Variants in PALM2AKAP2 observed in about 807,000 individuals in gnomAD.
The protein encoded by PALM2AKAP2 is PALM2-AKAP2 fusion protein.
A neutral mutation model predicts 71.5 loss-of-function variants in PALM2AKAP2; 37 were observed. The ratio of observed to expected loss-of-function variants is 0.52; its 90% CI spans 0.40 to 0.68. The LOEUF (loss-of-function observed/expected upper bound fraction) is 0.68. Ranked by LOEUF, PALM2AKAP2 falls within the 30% of genes least tolerant of loss-of-function variation. PALM2AKAP2 has a pLI of 0.00. For missense variants in PALM2AKAP2, 1,224 were observed against 1,191.8 expected (o/e 1.03, Z -0.40); for synonymous variants, 468 against 478.8 (o/e 0.98, Z 0.29).
exon 4 of PALM2AKAP2, chr9:110,169,412 A>G (rs1836807149): frequency 6.6e-6 from 1 of 152,180 alleles, no homozygotes; most frequent in African/African-American, 2.4e-5. Context: ...TAGAGCGGCA[A>G]TAATTGAAAA....
chr9:109,941,408 T>A (rs1831363436), intron 6 of PALM2AKAP2, among the ~76,000 whole-genome samples: 2 of 152,090 alleles, frequency 1.3e-5, no homozygotes, highest in South Asian at 4.1e-4. Context: ...ATATCTGAAG[T>A]AGAATGATTT....
At chr9:109,713,778 G>T (rs2118614848) in intron 1 of PALM2AKAP2, among the ~76,000 whole-genome samples, 1 of 152,324 alleles carries the variant, frequency 6.6e-6, no homozygotes, top group Admixed American at 6.5e-5. Context: ...AATAGGCAGA[G>T]CACAGGGGAT....
chr9:110,027,859 G>T (rs1020500820), intron 7 of PALM2AKAP2, among the ~76,000 whole-genome samples: 4 of 152,110 alleles, frequency 2.6e-5, no homozygotes, highest in African/African-American at 9.7e-5. Context: ...GTGTCCAGCC[G>T]GTTGCCCTTT....
intron 1 of PALM2AKAP2, among the ~76,000 whole-genome samples, chr9:109,861,201 C>T (rs147639354): frequency 2.7e-4 from 41 of 152,332 alleles, no homozygotes; most frequent in African/African-American, 9.6e-4. Flanking sequence ...CCCTGTTTCT[C>T]ACACACTCAG....
intron 1 of PALM2AKAP2, among the ~76,000 whole-genome samples, chr9:109,854,763 CTTTTTTTT>C (rs34401582): frequency 1.5e-5 from 1 of 66,158 alleles, no homozygotes; most frequent in Non-Finnish European, 2.7e-5. Context: ...AAGAATGTAT[CTTTTTTTT>C]TTTTTTTTTT....
chr9:109,969,020 CTGCAGGAATGTAAAA>C (rs1255341736), intron 6 of PALM2AKAP2, among the ~76,000 whole-genome samples: 3 of 151,926 alleles, frequency 2.0e-5, no homozygotes, highest in Non-Finnish European at 4.4e-5. Flanking sequence ...AACAGAACAG[CTGCAGGAATGTAAAA>C]TGCAAGACCC....
At chr9:109,665,911 C>G (rs1827475706) in intron 1 of PALM2AKAP2, among the ~76,000 whole-genome samples, 1 of 152,240 alleles carries the variant, frequency 6.6e-6, no homozygotes, top group Non-Finnish European at 1.5e-5. Flanking sequence ...ATGCCCCTCC[C>G]CCAGCCAGGC....
At chr9:109,818,556 A>C (rs12337329) in intron 1 of PALM2AKAP2, among the ~76,000 whole-genome samples, 22,331 of 152,216 alleles carry the variant, frequency 0.15, 2,291 homozygotes, top group African/African-American at 0.28. Flanking sequence ...AAAAACATAA[A>C]AACTTTTCAT....
At chr9:110,005,466 G>A (rs1344807259) in intron 6 of PALM2AKAP2, among the ~76,000 whole-genome samples, 3 of 152,186 alleles carry the variant, frequency 2.0e-5, no homozygotes, top group South Asian at 4.1e-4. Flanking sequence ...TAGGCTACTC[G>A]GGGGTCAGGG....
At chr9:110,024,850 G>T (rs1315669984) in intron 7 of PALM2AKAP2, 4 of 761,820 alleles carry the variant, frequency 5.3e-6, no homozygotes, top group South Asian at 3.0e-5. Flanking sequence ...CAGCCCAGAG[G>T]TCTTTTATTT....
chr9:109,832,109 C>G (rs908141610), intron 1 of PALM2AKAP2, among the ~76,000 whole-genome samples: 3 of 152,172 alleles, frequency 2.0e-5, no homozygotes, highest in Admixed American at 6.5e-5. Flanking sequence ...CAAGGCTGGA[C>G]AAGCATAAAG....
At chr9:109,984,851 C>T (rs1206123421) in intron 6 of PALM2AKAP2, among the ~76,000 whole-genome samples, 5 of 151,752 alleles carry the variant, frequency 3.3e-5, no homozygotes, top group African/African-American at 1.2e-4. Context: ...CCAGCCAGGG[C>T]AACAGAGCCA....
intron 1 of PALM2AKAP2, among the ~76,000 whole-genome samples, chr9:110,108,176 C>T (rs563900455): frequency 7.8e-5 from 11 of 141,300 alleles, no homozygotes; most frequent in African/African-American, 2.4e-4. Context: ...AGTGCAATGG[C>T]GCAATCTTGG....
intron 3 of PALM2AKAP2, among the ~76,000 whole-genome samples, chr9:109,884,489 T>C (rs1346121556): frequency 6.6e-6 from 1 of 151,858 alleles, no homozygotes; most frequent in Non-Finnish European, 1.5e-5. Context: ...TAAAGAGGAC[T>C]AACTAAAACA....
At chr9:110,066,170 G>A (rs941212743) in intron 1 of PALM2AKAP2, among the ~76,000 whole-genome samples, 1 of 152,186 alleles carries the variant, frequency 6.6e-6, no homozygotes, top group Non-Finnish European at 1.5e-5. Flanking sequence ...TCCTATGAGC[G>A]TAGGTGTAGA....
intron 3 of PALM2AKAP2, among the ~76,000 whole-genome samples, chr9:109,891,511 G>A (rs377457264): frequency 2.0e-4 from 31 of 152,208 alleles, no homozygotes; most frequent in African/African-American, 7.2e-4. Flanking sequence ...GTGAGACAGA[G>A]TCTCACTCAC....
intron 1 of PALM2AKAP2, among the ~76,000 whole-genome samples, chr9:110,105,730 C>A (rs562941490): frequency 6.6e-6 from 1 of 152,144 alleles, no homozygotes; most frequent in East Asian, 1.9e-4. Flanking sequence ...CTCTCTTTTT[C>A]TTTTTAATGT....
intron 1 of PALM2AKAP2, among the ~76,000 whole-genome samples, chr9:109,861,884 G>A (rs754416828): frequency 3.9e-5 from 6 of 152,106 alleles, no homozygotes; most frequent in Admixed American, 3.3e-4. Context: ...GTACAAATTC[G>A]TAATTCATTT....
chr9:109,660,030 C>T (rs756631656), intron 1 of PALM2AKAP2, among the ~76,000 whole-genome samples: 6 of 151,442 alleles, frequency 4.0e-5, no homozygotes, highest in African/African-American at 9.7e-5. Flanking sequence ...ATGGTGGTCT[C>T]GCCATGTTGC....
Sources: gnomAD v4.1 joint callset for allele counts (sites outside exome capture counted in the v4.1 genomes callset) on GRCh38, gnomAD v4.1.1 for gene constraint, MANE v1.5 for transcripts, NCBI Gene and HGNC (gene_info 2026-07-23, HGNC 2026-07-21) for gene names.